SLMAP: variants seen among roughly 807,000 people sequenced by gnomAD.
SLMAP encodes the protein sarcolemma associated protein, also known as sarcolemmal membrane-associated protein.
In SLMAP, 44 loss-of-function variants were observed where a neutral mutation model predicts 128.8. That is an observed-to-expected ratio of 0.34 (90% CI 0.27 to 0.44). SLMAP has a LOEUF of 0.44. SLMAP is among the 20% of genes least tolerant of loss of function. The pLI, the probability that SLMAP is intolerant of heterozygous loss-of-function variation, is 1.00. For synonymous variants in SLMAP, 327 were observed against 348.8 expected (o/e 0.94, Z 0.70); for missense variants, 787 against 985.3 (o/e 0.80, Z 2.69).
At chr3:57,857,425 C>T (rs1002404348) in intron 6 of SLMAP, among the ~76,000 whole-genome samples, 1 of 151,860 alleles carries the variant, frequency 6.6e-6, no homozygotes, top group Non-Finnish European at 1.5e-5. Flanking sequence ...AAGAAATTAA[C>T]AATAATAATA....
At chr3:57,923,405 ATGT>A (rs1325316492) in intron 23 of SLMAP, among the ~76,000 whole-genome samples, 2 of 152,214 alleles carry the variant, frequency 1.3e-5, no homozygotes, top group East Asian at 1.9e-4. Flanking sequence ...AGAGTAGTAC[ATGT>A]TGTTCTTATA....
Position 57,929,554 on chromosome 3 carries a change from C to T in SLMAP, c.*2265C>T, listed in dbSNP as rs1399998351. Among the ~76,000 whole-genome samples the T allele has an allele frequency of 3.3e-5, 5 of 152,040 alleles. No individual in the cohort carries two copies. Among genetic ancestry groups the T allele is most frequent in the Admixed American group, 2.6e-4 (4 of 15,272 alleles). Reference sequence around the variant, plus strand: ...TTCAGTTTTGTTCAGTTCACTTCCACGTTAAATAAAGAATAGGATTATTCA... The same window carrying T: ...TTCAGTTTTGTTCAGTTCACTTCCATGTTAAATAAAGAATAGGATTATTCA... On this transcript the variant is annotated 3_prime_UTR_variant, in exon 25 of 25. Coordinates refer to ENST00000671191, the MANE Select transcript of SLMAP (RefSeq NM_001377540.1).
intron 2 of SLMAP, among the ~76,000 whole-genome samples, chr3:57,818,084 A>G (rs2092092422): frequency 6.6e-6 from 1 of 152,210 alleles, no homozygotes; most frequent in South Asian, 2.1e-4. Flanking sequence ...GTTGAGATCT[A>G]AAGTTTACTA....
At chr3:57,766,165 ATTTTTTTTTT>A (rs869169620) in intron 2 of SLMAP, among the ~76,000 whole-genome samples, 11 of 85,704 alleles carry the variant, frequency 1.3e-4, no homozygotes, top group African/African-American at 4.7e-4. Flanking sequence ...CACCCGGCTA[ATTTTTTTTTT>A]TTTTTTTTTT....
chr3:57,863,345 T>G (rs184109180), intron 10 of SLMAP, among the ~76,000 whole-genome samples: 2 of 152,338 alleles, frequency 1.3e-5, no homozygotes, highest in East Asian at 3.9e-4. Context: ...AACTATGGAT[T>G]GAGTGCCTAG....
At chr3:57,772,719 C>G (rs887735358) in intron 2 of SLMAP, among the ~76,000 whole-genome samples, 1 of 152,086 alleles carries the variant, frequency 6.6e-6, no homozygotes. Context: ...CGGCTCACCG[C>G]AACCTTTGCC....
At chr3:57,925,518 G>A (rs1021033655) in intron 23 of SLMAP, among the ~76,000 whole-genome samples, 4 of 151,780 alleles carry the variant, frequency 2.6e-5, no homozygotes, top group African/African-American at 9.7e-5. Flanking sequence ...AGTAGAGACA[G>A]CATTTCACCA....
At chr3:57,907,134 T>G (rs2096589377) in intron 17 of SLMAP, among the ~76,000 whole-genome samples, 1 of 152,116 alleles carries the variant, frequency 6.6e-6, no homozygotes, top group African/African-American at 2.4e-5. Flanking sequence ...TTCAAGCAGT[T>G]CTCCTGCCTC....
At chr3:57,765,882 G>A (rs2079564412) in intron 2 of SLMAP, among the ~76,000 whole-genome samples, 3 of 151,662 alleles carry the variant, frequency 2.0e-5, no homozygotes, top group Admixed American at 2.0e-4. Context: ...ATTTCAAATT[G>A]TTAAAAATAT....
intron 2 of SLMAP, among the ~76,000 whole-genome samples, chr3:57,768,846 A>G (rs2080247344): frequency 6.6e-6 from 1 of 152,052 alleles, no homozygotes. Context: ...GAAGTTAGGA[A>G]TTTTGCCCTC....
chr3:57,871,054 G>A (rs1225222236), intron 13 of SLMAP, among the ~76,000 whole-genome samples: 8 of 152,122 alleles, frequency 5.3e-5, no homozygotes, highest in Admixed American at 4.6e-4. Flanking sequence ...GAAATGAATA[G>A]GCACTGATTT....
chr3:57,882,169 G>C (rs1326731115), intron 14 of SLMAP, among the ~76,000 whole-genome samples: 5 of 152,018 alleles, frequency 3.3e-5, no homozygotes, highest in African/African-American at 1.2e-4. Flanking sequence ...ATGCTCAATT[G>C]ATTCATTCTA....
At chr3:57,860,136 C>T (rs575406874) in intron 8 of SLMAP, among the ~76,000 whole-genome samples, 4 of 152,286 alleles carry the variant, frequency 2.6e-5, no homozygotes, top group African/African-American at 9.6e-5. Context: ...CCCATCTCGG[C>T]CTCCCAAAGT....
At chr3:57,774,063 A>G (rs1367997007) in intron 2 of SLMAP, among the ~76,000 whole-genome samples, 1 of 152,222 alleles carries the variant, frequency 6.6e-6, no homozygotes, top group Non-Finnish European at 1.5e-5. Context: ...TAGGTATTAA[A>G]TGATAGAAAC....
chr3:57,897,222 A>T, intron 17 of SLMAP: 1 of 678,504 alleles, frequency 1.5e-6, no homozygotes, highest in Middle Eastern at 4.7e-4. Context: ...ATAGGAATTT[A>T]TTAGCGCTTT....
chr3:57,785,633 A>C lies in SLMAP; in HGVS notation c.198+27784A>C, dbSNP rs576699994. 2.0e-3 allele frequency among the ~76,000 whole-genome samples: 298 copies of C among 152,354 alleles called. 1 individual carries two copies. Among genetic ancestry groups the C allele is most frequent in the African/African-American group, 6.8e-3 (282 of 41,590 alleles). ...TGTAAATACAGATCTGTGAGGAAGC[A>C]TGTGAATTTTACATTATGTGAACTT... On this transcript the variant is annotated intron_variant, in intron 2 of 24. Coordinates refer to ENST00000671191, the MANE Select transcript of SLMAP (RefSeq NM_001377540.1).
Position 57,825,525 on chromosome 3 carries a change from A to G in SLMAP, c.199-5858A>G, listed in dbSNP as rs112511425. 3.1e-3 allele frequency among the ~76,000 whole-genome samples: 436 copies of G among 138,418 alleles called. 3 individuals carry two copies. The highest frequency in any genetic ancestry group is 0.011 in the African/African-American group (415 of 36,836). 90.8% of individuals were successfully genotyped at this position (138,418 alleles called of 152,430 possible). A position where few individuals can be genotyped will look rare whatever the true frequency, so the allele number is the denominator to read the frequency against. On this transcript the variant is annotated intron_variant, in intron 2 of 24. Transcript: ENST00000671191. Reference sequence around the variant, plus strand: ...CTTTTTTTTTTTTTTTTCATTTTCTACAAATGTGGGGCATTTAAACATTTT... The same window carrying G: ...CTTTTTTTTTTTTTTTTCATTTTCTGCAAATGTGGGGCATTTAAACATTTT...
At chr3:57,774,961 G>A (rs1480457404) in intron 2 of SLMAP, among the ~76,000 whole-genome samples, 1 of 152,072 alleles carries the variant, frequency 6.6e-6, no homozygotes, top group South Asian at 2.1e-4. Context: ...GTTTACTCCT[G>A]ATATTTAAGT....
At chr3:57,911,807 A>G (rs1382023299) in intron 19 of SLMAP, among the ~76,000 whole-genome samples, 1 of 152,134 alleles carries the variant, frequency 6.6e-6, no homozygotes, top group East Asian at 1.9e-4. Context: ...GAGTCATCAG[A>G]AAAGGCCTCT....
Sources: allele counts gnomAD v4.1 joint callset (sites outside exome capture counted in the v4.1 genomes callset), GRCh38; gene constraint gnomAD v4.1.1; transcripts MANE v1.5; gene names NCBI Gene and HGNC (gene_info 2026-07-23, HGNC 2026-07-21).